Variants in ITGA4 observed in about 807,000 individuals in gnomAD.
The protein encoded by ITGA4 is integrin subunit alpha 4, also known as integrin alpha-4.
Under a neutral mutation model 133.6 loss-of-function variants are expected in ITGA4, and 63 were observed. The ratio of observed to expected loss-of-function variants is 0.47; its 90% CI spans 0.38 to 0.58. The LOEUF (loss-of-function observed/expected upper bound fraction) is 0.58, where lower values mean the gene tolerates loss of function less well. Among genes scored for constraint, ITGA4 ranks in the 20% least tolerant of loss-of-function variants. The probability of loss-of-function intolerance (pLI) is 0.00; values close to 1 mark genes in which losing one functional copy is unlikely to be tolerated. For missense variants in ITGA4, 1,076 were observed against 1,252.7 expected, an observed-to-expected ratio of 0.86 and a Z score of 2.13; for synonymous variants, 483 against 438.0, an observed-to-expected ratio of 1.10 and a Z score of -1.28.
chr2:181,524,301 AG>A lies in ITGA4; in HGVS notation c.2249+59del, dbSNP rs138320971. 1.4e-4 allele frequency: 144 copies of A among 1,006,424 alleles called. 1 individual carries two copies. Among genetic ancestry groups the A allele is most frequent in the Middle Eastern group, 4.2e-4 (2 of 4,742 alleles). 62.3% of individuals were successfully genotyped at this position (1,006,424 alleles called of 1,614,324 possible). A position where few individuals can be genotyped will look rare whatever the true frequency, so the allele number is the denominator to read the frequency against. On this transcript the variant is annotated intron_variant, in intron 20 of 27. Coordinates refer to ENST00000397033, the MANE Select transcript of ITGA4 (RefSeq NM_000885.6). ...ACTAGAAATATACCCCCATATTCTG[AG>A]GGGGGGGAATTAGGAGAACCGTAAA...
intron 15 of ITGA4, among the ~76,000 whole-genome samples, chr2:181,506,209 T>C (rs1199322047): frequency 2.0e-5 from 3 of 152,150 alleles, no homozygotes; most frequent in African/African-American, 7.2e-5. Context: ...AGTAGTTCAG[T>C]TTTCTTATTC....
chr2:181,523,376 A>G lies in ITGA4; in HGVS notation c.2074-61A>G, dbSNP rs1310437576. 27 of 955,146 alleles carry G rather than the reference A, an allele frequency of 2.8e-5. No homozygotes were observed. Among genetic ancestry groups the G allele is most frequent in the Non-Finnish European group, 4.4e-5 (26 of 586,112 alleles). The allele number at this position is 955,146 out of a possible 1,614,324, so 59.2% of individuals were successfully genotyped here. On this transcript the variant is annotated intron_variant, in intron 18 of 27. Transcript: ENST00000397033. This position sits in a 1 kb window ranked among gnomAD's most constrained non-coding sequence, Gnocchi z 4.2. Reference sequence around the variant, plus strand: ...TTCTTTTCAATAACCATCCTTAAACATATGTTACAAACTTTTTATTTCCTT... The same window carrying G: ...TTCTTTTCAATAACCATCCTTAAACGTATGTTACAAACTTTTTATTTCCTT...
At chr2:181,514,744 G>A (rs1686573318) in intron 17 of ITGA4, among the ~76,000 whole-genome samples, 2 of 151,994 alleles carry the variant, frequency 1.3e-5, no homozygotes, top group South Asian at 4.1e-4. Context: ...TTTCATTGCA[G>A]TCTCTCTGGC....
chr2:181,527,529 ACTC>A, intron 22 of ITGA4, 142 bp downstream of exon 22: 1 of 588,358 alleles, frequency 1.7e-6, no homozygotes, highest in African/African-American at 1.9e-5. Flanking sequence ...CAGCAGTGGT[ACTC>A]CTGCCTCTCA....
At position 181,457,410 on chromosome 2, in the gene ITGA4, C is replaced by T; in HGVS notation, c.-245C>T. The T allele has an allele frequency of 2.1e-6, 1 of 470,228 alleles. No individual in the cohort carries two copies. Among genetic ancestry groups the T allele is most frequent in the Non-Finnish European group, 3.8e-6 (1 of 264,102 alleles). 29.1% of individuals were successfully genotyped at this position (470,228 alleles called of 1,614,324 possible). A position where few individuals can be genotyped will look rare whatever the true frequency, so the allele number is the denominator to read the frequency against. Reference sequence around the variant, plus strand: ...AGAAGCAGCGCGAGCACCCGAAGCTCCCGGCTGGCGGCAGAAACCGGGAGT... The same window carrying T: ...AGAAGCAGCGCGAGCACCCGAAGCTTCCGGCTGGCGGCAGAAACCGGGAGT... On this transcript the variant is annotated 5_prime_UTR_variant, in exon 1 of 28. Coordinates refer to ENST00000397033, the MANE Select transcript of ITGA4 (RefSeq NM_000885.6).
intron 15 of ITGA4, among the ~76,000 whole-genome samples, chr2:181,503,103 T>C (rs1438187717): frequency 6.6e-6 from 1 of 152,052 alleles, no homozygotes; most frequent in Non-Finnish European, 1.5e-5. Flanking sequence ...GGCATAGATA[T>C]TATAAAATAC....
intron 24 of ITGA4, among the ~76,000 whole-genome samples, 178 bp downstream of exon 24, chr2:181,530,827 A>G (rs908153865): frequency 7.9e-5 from 12 of 152,302 alleles, no homozygotes; most frequent in African/African-American, 2.2e-4. Flanking sequence ...CCCAGGGTCT[A>G]TCCCATATAT....
chr2:181,531,776 GGTAA>G lies in ITGA4; in HGVS notation c.2784+7_2784+10del, dbSNP rs748337477. ...AAGGCCGGCCATCCATTTTAGAAAT[GGTAA>G]GTAAGTCTAAAACATTGACAACTTG... On this transcript the variant is annotated splice_donor_variant and splice_donor_region_variant and intron_variant, in intron 25 of 27. Transcript: ENST00000397033. LOFTEE classifies it high-confidence loss of function. 9.1e-5 allele frequency: 145 copies of G among 1,593,884 alleles called. 2 individuals are homozygous for G. The South Asian group carries it at 1.3e-3, about 14-fold the overall frequency.
intron 26 of ITGA4, 104 bp downstream of exon 26, chr2:181,534,474 G>A (rs1687012753): frequency 1.3e-6 from 1 of 757,676 alleles, no homozygotes; most frequent in Non-Finnish European, 2.3e-6. Context: ...AAAGTAGAGT[G>A]TGACCAGCTC....
At position 181,537,628 on chromosome 2, in the gene ITGA4, G is replaced by A. The variant is rs1341727428; in HGVS notation, c.*2101G>A. 2 of 435,784 alleles carry A rather than the reference G, an allele frequency of 4.6e-6. No individual in the cohort carries two copies. Among genetic ancestry groups the A allele is most frequent in the Non-Finnish European group, 9.1e-6 (2 of 220,800 alleles). The allele number at this position is 435,784 out of a possible 1,614,324, so 27.0% of individuals were successfully genotyped here. A position where few individuals can be genotyped will look rare whatever the true frequency, so the allele number is the denominator to read the frequency against. ...ATAGGAAATTTAACATAATTGATGA[G>A]CTCAAATCCTGAAAAATGAAAGAAT... On this transcript the variant is annotated 3_prime_UTR_variant, in exon 28 of 28. Coordinates refer to ENST00000397033, the MANE Select transcript of ITGA4 (RefSeq NM_000885.6).
chr2:181,488,699 C>T (rs1028941665), intron 10 of ITGA4, among the ~76,000 whole-genome samples: 1 of 152,000 alleles, frequency 6.6e-6, no homozygotes, highest in South Asian at 2.1e-4. Flanking sequence ...GCTGGGACTA[C>T]AGGCACCCGC....
chr2:181,532,750 T>C (rs762781272), intron 25 of ITGA4, among the ~76,000 whole-genome samples: 29 of 152,222 alleles, frequency 1.9e-4, no homozygotes, highest in African/African-American at 2.7e-4. Context: ...TCTTGCCTGA[T>C]TGCCCTGGCC....
At chr2:181,519,557 A>G (rs2105763032) in intron 17 of ITGA4, among the ~76,000 whole-genome samples, 1 of 152,250 alleles carries the variant, frequency 6.6e-6, no homozygotes. Flanking sequence ...GAAATATCCA[A>G]AATTATTTTA....
intron 10 of ITGA4, among the ~76,000 whole-genome samples, chr2:181,492,427 A>G (rs1343369681): frequency 6.6e-6 from 1 of 152,244 alleles, no homozygotes; most frequent in East Asian, 1.9e-4. Context: ...TTTCAATTTG[A>G]TGGTAATAAG....
chr2:181,531,949 A>C (rs1686954301), intron 25 of ITGA4, among the ~76,000 whole-genome samples, 173 bp downstream of exon 25: 1 of 152,250 alleles, frequency 6.6e-6, no homozygotes, highest in Admixed American at 6.5e-5. Flanking sequence ...ACATTGACTA[A>C]GTGAAATGGC....
chr2:181,534,165 T>C (rs951646504), intron 25 of ITGA4, 107 bp from the exon 26 acceptor site: 37 of 642,740 alleles, frequency 5.8e-5, no homozygotes, highest in African/African-American at 5.2e-4. Context: ...GTGAAATAAA[T>C]TGGGGAAGGT....
chr2:181,479,929 G>A (rs1439872312), intron 5 of ITGA4, among the ~76,000 whole-genome samples: 2 of 150,714 alleles, frequency 1.3e-5, no homozygotes, highest in African/African-American at 4.9e-5. Context: ...GAGTTTCAGA[G>A]TTTCTTCTCT....
intron 4 of ITGA4, 55 bp from the exon 5 acceptor site, chr2:181,478,702 A>G: frequency 2.7e-6 from 2 of 746,346 alleles, no homozygotes; most frequent in Non-Finnish European, 4.2e-6. Context: ...GAAACAAATT[A>G]TGGAGATTTT....
At chr2:181,476,029 G>A in intron 4 of ITGA4, 1 of 900,038 alleles carries the variant, frequency 1.1e-6, no homozygotes, top group Non-Finnish European at 1.5e-6. Context: ...AATTTTATTG[G>A]TTGGCAAAAC....
Sources: gnomAD v4.1 joint callset for allele counts (sites outside exome capture counted in the v4.1 genomes callset) on GRCh38, gnomAD v4.1.1 for gene constraint, Gnocchi (gnomAD v3.1) non-coding constraint, MANE v1.5 for transcripts, NCBI Gene and HGNC (gene_info 2026-07-23, HGNC 2026-07-21) for gene names.